TANGO6: variants seen among roughly 807,000 people sequenced by gnomAD.
The protein encoded by TANGO6 is transport and golgi organization 6 homolog.
Under a neutral mutation model 114.2 loss-of-function variants are expected in TANGO6, and 90 were observed. The observed-to-expected ratio is 0.79, with a 90% confidence interval of 0.66 to 0.94. TANGO6 has a LOEUF of 0.94. TANGO6 is among the 40% of genes least tolerant of loss of function. The probability of loss-of-function intolerance (pLI) is 0.00; values close to 1 mark genes in which losing one functional copy is unlikely to be tolerated. For missense variants in TANGO6, 1,274 were observed against 1,315.3 expected (o/e 0.97, Z 0.49); for synonymous variants, 477 against 509.8 (o/e 0.94, Z 0.87).
chr16:68,974,417 T>C (rs1963740705), intron 15 of TANGO6, among the ~76,000 whole-genome samples: 1 of 152,144 alleles, frequency 6.6e-6, no homozygotes, highest in Non-Finnish European at 1.5e-5. Flanking sequence ...ATCCCAGCAC[T>C]TTGGGAGGCC....
intron 14 of TANGO6, among the ~76,000 whole-genome samples, chr16:68,967,614 T>C (rs1039195317): frequency 2.6e-5 from 4 of 152,256 alleles, no homozygotes; most frequent in South Asian, 4.1e-4. Context: ...TTGCCTATTC[T>C]GGACATTTCA....
chr16:68,942,564 A>G (rs72787287), intron 14 of TANGO6, among the ~76,000 whole-genome samples: 1 of 152,338 alleles, frequency 6.6e-6, no homozygotes, highest in Non-Finnish European at 1.5e-5. Flanking sequence ...AATCTGACAT[A>G]GGAAGAATGG....
chr16:68,944,686 A>G (rs1031102996), intron 14 of TANGO6, among the ~76,000 whole-genome samples: 2 of 152,216 alleles, frequency 1.3e-5, no homozygotes, highest in African/African-American at 2.4e-5. Flanking sequence ...CTTATGTCAT[A>G]GTTCCAAGGG....
chr16:68,919,796 C>T (rs1169883017), intron 12 of TANGO6, among the ~76,000 whole-genome samples: 2 of 152,110 alleles, frequency 1.3e-5, no homozygotes, highest in African/African-American at 4.8e-5. Context: ...AATCCCAGCA[C>T]TTTGGGAGGC....
intron 14 of TANGO6, among the ~76,000 whole-genome samples, chr16:68,956,982 T>A (rs560870639): frequency 1.3e-5 from 2 of 152,316 alleles, no homozygotes; most frequent in East Asian, 3.9e-4. Context: ...ATTTAAAATG[T>A]TTCTATACCT....
At position 68,936,480 on chromosome 16, in the gene TANGO6, C is replaced by T. The variant is rs370271111; in HGVS notation, c.2701+6185C>T. Among the ~76,000 whole-genome samples, 7 of 152,088 alleles carry T rather than the reference C, an allele frequency of 4.6e-5. 1 individual carries two copies. Among genetic ancestry groups the T allele is most frequent in the Admixed American group, 6.6e-5 (1 of 15,264 alleles). ...CCCAAGTAGCTGGGACTACAGGTGC[C>T]CACCACCATGCCCGGCTAATTTTTT... On this transcript the variant is annotated intron_variant, in intron 14 of 17. Coordinates refer to ENST00000261778, the MANE Select transcript of TANGO6 (RefSeq NM_024562.2).
chr16:69,045,174 G>A (rs1305025823), intron 17 of TANGO6, among the ~76,000 whole-genome samples: 5 of 106,032 alleles, frequency 4.7e-5, no homozygotes, highest in African/African-American at 1.2e-4. Flanking sequence ...AAAAAAAAAA[G>A]CTGGGCGCGG....
At chr16:68,945,321 A>C (rs1422688600) in intron 14 of TANGO6, among the ~76,000 whole-genome samples, 1 of 152,220 alleles carries the variant, frequency 6.6e-6, no homozygotes, top group Non-Finnish European at 1.5e-5. Flanking sequence ...TTGTTTCAGT[A>C]GCTAAGATAA....
In TANGO6 at chr16:68,971,873, T is replaced by C. The variant is rs567308518; in HGVS notation, c.2702-2155T>C. On this transcript the variant is annotated intron_variant, in intron 14 of 17. Transcript: ENST00000261778. Reference sequence around the variant, plus strand: ...ATCTTGAACTCCTGACCTCAAGTGATCCACCCACCTCGGCCTCCCAAAATG... The same window carrying C: ...ATCTTGAACTCCTGACCTCAAGTGACCCACCCACCTCGGCCTCCCAAAATG... Among the ~76,000 whole-genome samples the C allele has an allele frequency of 2.5e-4, 38 of 152,158 alleles. 1 individual carries two copies. The East Asian group carries it at 6.4e-3, about 26-fold the overall frequency.
At chr16:68,909,821 A>C (rs1962899602) in intron 11 of TANGO6, among the ~76,000 whole-genome samples, 1 of 152,174 alleles carries the variant, frequency 6.6e-6, no homozygotes, top group Admixed American at 6.5e-5. Flanking sequence ...TCTAAGGTGT[A>C]TCAAAACTTG....
chr16:69,059,627 C>A (rs1249334201), intron 17 of TANGO6, among the ~76,000 whole-genome samples: 3 of 152,078 alleles, frequency 2.0e-5, no homozygotes, highest in Non-Finnish European at 4.4e-5. Flanking sequence ...TCAAATGATT[C>A]TCCTGCCTCA....
intron 15 of TANGO6, among the ~76,000 whole-genome samples, chr16:69,006,888 G>A (rs1357412697): frequency 6.6e-6 from 1 of 152,128 alleles, no homozygotes; most frequent in Non-Finnish European, 1.5e-5. Flanking sequence ...ATCAATTTAG[G>A]ACATTTTCAT....
intron 15 of TANGO6, among the ~76,000 whole-genome samples, chr16:68,977,698 G>A (rs1249064242): frequency 2.7e-5 from 4 of 148,780 alleles, no homozygotes; most frequent in African/African-American, 7.4e-5. Context: ...GCCAGATTCC[G>A]TCTCAAAAAA....
At chr16:68,891,449 G>A (rs1368523033) in intron 7 of TANGO6, among the ~76,000 whole-genome samples, 1 of 152,092 alleles carries the variant, frequency 6.6e-6, no homozygotes, top group East Asian at 1.9e-4. Flanking sequence ...GACAGAGCAA[G>A]GCTCCCTCTC....
rs192517561 is a variant in TANGO6, at chr16:68,993,024, C to T, written c.2842+18856C>T. The stretch of plus-strand genomic sequence containing the variant: ...GCGTAGGTTGCAGTGAGCCAAGATG[C>T]GCCATTGCACTCCAGCCCGGGTGAC... On this transcript the variant is annotated intron_variant, in intron 15 of 17. Transcript: ENST00000261778. Among the ~76,000 whole-genome samples the T allele has an allele frequency of 4.6e-4, 70 of 151,730 alleles. 1 individual carries two copies. In the South Asian group the frequency reaches 0.014, roughly 30 times the overall value.
At position 69,083,494 on chromosome 16, in the gene TANGO6, G is replaced by T. The variant is rs199894000; in HGVS notation, c.3118G>T (p.Ala1040Ser). The T allele has an allele frequency of 4.6e-5, 74 of 1,610,254 alleles. No homozygotes were observed. Among genetic ancestry groups the T allele is most frequent in the Admixed American group, 2.2e-4 (13 of 59,672 alleles). Residue 1040 changes from alanine (A) to serine (S), a missense_variant, in exon 18 of 18, where the codon GCC (alanine) becomes TCC (serine). Around this residue, in one of 5 missense-constraint regions of TANGO6, gnomAD observed 238 missense variants for 252.9 expected, o/e 0.94. Coordinates refer to ENST00000261778, the MANE Select transcript of TANGO6 (RefSeq NM_024562.2). The stretch of plus-strand genomic sequence containing the variant: ...TGTCTCTCTCATGCAGGTGCTGAGC[G>T]CCGTCCTCAAGGATCTCTACCACCT... ...LSQKATEVLS[A>S]VLKDLYHLLK...
At chr16:68,845,694 C>T (rs1224911238) in intron 1 of TANGO6, among the ~76,000 whole-genome samples, 1 of 152,026 alleles carries the variant, frequency 6.6e-6, no homozygotes, top group Non-Finnish European at 1.5e-5. Context: ...AAAAAATTGG[C>T]CAGGCATGGT....
chr16:69,054,905 C>T (rs1395201328), intron 17 of TANGO6, among the ~76,000 whole-genome samples: 1 of 137,656 alleles, frequency 7.3e-6, no homozygotes, highest in Admixed American at 8.1e-5. Flanking sequence ...CAAGCCACTG[C>T]ACTCCAGCCT....
chr16:69,061,967 C>G (rs1960124941), intron 17 of TANGO6, among the ~76,000 whole-genome samples: 1 of 151,848 alleles, frequency 6.6e-6, no homozygotes, highest in South Asian at 2.1e-4. Context: ...TGCAGCGAGC[C>G]GAGATCGCTC....
Sources: gnomAD v4.1 joint callset for allele counts (sites outside exome capture counted in the v4.1 genomes callset) on GRCh38, gnomAD v4.1.1 for gene constraint, gnomAD v4.1.1 regional missense constraint, MANE v1.5 for transcripts, NCBI Gene and HGNC (gene_info 2026-07-23, HGNC 2026-07-21) for gene names.